The following C6orf118 variants were observed in gnomAD, a reference collection of about 807,000 sequenced individuals.
C6orf118 encodes uncharacterized protein C6orf118.
In C6orf118, 50 loss-of-function variants were observed where a neutral mutation model predicts 50.2. The observed-to-expected ratio is 1.00, with a 90% CI of 0.79 to 1.26. The LOEUF (loss-of-function observed/expected upper bound fraction) is 1.26, where lower values mean the gene tolerates loss of function less well. C6orf118 is among the 50% of genes most tolerant of loss of function. C6orf118 has a pLI of 0.00. For synonymous variants in C6orf118, 239 were observed against 230.9 expected, an observed-to-expected ratio of 1.03 and a Z score of -0.32; for missense variants, 641 against 578.7, an observed-to-expected ratio of 1.11 and a Z score of -1.10.
chr6:165,300,055 T>C (rs1334102276), intron 3 of C6orf118, among the ~76,000 whole-genome samples: 1 of 152,218 alleles, frequency 6.6e-6, no homozygotes, highest in African/African-American at 2.4e-5. Context: ...ACATGTAAAG[T>C]TAAATTATTA....
chr6:165,299,408 A>G, intron 4 of C6orf118, 35 bp downstream of exon 4: 1 of 1,597,584 alleles, frequency 6.3e-7, no homozygotes, highest in Non-Finnish European at 8.6e-7. Flanking sequence ...ATGGATAAGC[A>G]GGCTCTATTC....
chr6:165,302,359 T>G, intron 1 of C6orf118, 63 bp from the exon 2 acceptor site: 1 of 1,558,776 alleles, frequency 6.4e-7, no homozygotes, highest in Non-Finnish European at 8.6e-7. Context: ...AGTCAGCTGG[T>G]GCACTGGCTG....
At chr6:165,300,191 A>G (rs1780465206) in intron 3 of C6orf118, among the ~76,000 whole-genome samples, 173 bp downstream of exon 3, 1 of 152,162 alleles carries the variant, frequency 6.6e-6, no homozygotes, top group Non-Finnish European at 1.5e-5. Flanking sequence ...ATGGCCCCTT[A>G]CAATTTACGT....
At chr6:165,284,292 TA>T (rs918101066) in intron 7 of C6orf118, among the ~76,000 whole-genome samples, 4 of 151,380 alleles carry the variant, frequency 2.6e-5, no homozygotes, top group African/African-American at 9.7e-5. Context: ...ATGAAAGGAA[TA>T]AAAAAAGCCT....
At position 165,297,983 on chromosome 6, in the gene C6orf118, T is replaced by C. The variant is rs912253131; in HGVS notation, c.1055A>G (p.Asn352Ser). 6.2e-7 allele frequency: 1 copy of C among 1,613,952 alleles called. No individual in the cohort carries two copies. Among genetic ancestry groups the C allele is most frequent in the African/African-American group, 1.3e-5 (1 of 75,076 alleles). ...TCCGTCCCTCATGCCTCACCTATCA[T>C]TCTGCTCCAGGGCTGCTTTTGTGGC... ...VTATKAALEQNDRLRSELEME... is the reference protein window; with the variant it reads ...VTATKAALEQSDRLRSELEME... Residue 352 changes from asparagine (N) to serine (S), a missense_variant, in exon 5 of 9, where the codon AAT becomes AGT. By Grantham distance (46) the Asn-to-Ser change is conservative (BLOSUM62 1). Transcript: ENST00000230301.
intron 7 of C6orf118, among the ~76,000 whole-genome samples, chr6:165,283,291 G>A (rs556461082): frequency 2.0e-5 from 3 of 152,278 alleles, no homozygotes; most frequent in African/African-American, 7.2e-5. Context: ...GTGTTACCCT[G>A]CCCAGGAAAC....
chr6:165,297,892 A>G (rs900694869), intron 5 of C6orf118, 85 bp downstream of exon 5: 39 of 1,581,512 alleles, frequency 2.5e-5, no homozygotes, highest in Middle Eastern at 3.3e-4. Flanking sequence ...GCAGAAATCA[A>G]TGTAACCGTA....
At chr6:165,301,527 G>A (rs780777981) in intron 2 of C6orf118, 42 bp downstream of exon 2, 5 of 1,570,602 alleles carry the variant, frequency 3.2e-6, no homozygotes, top group Non-Finnish European at 4.3e-6. Context: ...GCTATGCCCT[G>A]AGAGCTCTTC....
intron 1 of C6orf118, among the ~76,000 whole-genome samples, chr6:165,309,167 AG>A (rs1174727575): frequency 6.6e-6 from 1 of 152,264 alleles, no homozygotes; most frequent in African/African-American, 2.4e-5. Flanking sequence ...GAGCGCGGAA[AG>A]GCAGCATGCC....
At chr6:165,280,659 G>A (rs566089277) in intron 8 of C6orf118, among the ~76,000 whole-genome samples, 6 of 152,180 alleles carry the variant, frequency 3.9e-5, no homozygotes, top group Non-Finnish European at 7.3e-5. Flanking sequence ...GGAGCACCTA[G>A]AAAGAACTGT....
intron 5 of C6orf118, among the ~76,000 whole-genome samples, chr6:165,296,891 T>A (rs1780329705): frequency 6.6e-6 from 1 of 152,172 alleles, no homozygotes; most frequent in Non-Finnish European, 1.5e-5. Flanking sequence ...CTGGCTATCT[T>A]GGTAGGAATA....
intron 2 of C6orf118, among the ~76,000 whole-genome samples, chr6:165,301,182 TAC>T (rs1407673539): frequency 3.9e-5 from 6 of 152,132 alleles, no homozygotes; most frequent in Admixed American, 1.3e-4. Flanking sequence ...CGGCACCTGG[TAC>T]AGTGCTGCAT....
intron 1 of C6orf118, among the ~76,000 whole-genome samples, chr6:165,308,084 A>T (rs1391385061): frequency 6.6e-6 from 1 of 152,214 alleles, no homozygotes. Context: ...ACCCAGGGCC[A>T]CAGGGGACCT....
chr6:165,297,955 A>G, intron 5 of C6orf118, 22 bp downstream of exon 5: 2 of 1,613,350 alleles, frequency 1.2e-6, no homozygotes, highest in Admixed American at 1.7e-5. Flanking sequence ...AACATAGATC[A>G]GATCCGTCCC....
chr6:165,280,885 A>T (rs896774194), intron 8 of C6orf118, among the ~76,000 whole-genome samples: 1 of 152,162 alleles, frequency 6.6e-6, no homozygotes, highest in Non-Finnish European at 1.5e-5. Context: ...CAAGCCACCT[A>T]CACCTAAAAA....
intron 1 of C6orf118, among the ~76,000 whole-genome samples, chr6:165,302,956 C>T (rs1221902251): frequency 6.6e-6 from 1 of 152,158 alleles, no homozygotes; most frequent in African/African-American, 2.4e-5. Context: ...TAAATTCTAC[C>T]CATTTTTGCT....
intron 3 of C6orf118, 143 bp downstream of exon 3, chr6:165,300,221 C>T (rs2128162657): frequency 1.1e-6 from 1 of 914,018 alleles, no homozygotes; most frequent in Non-Finnish European, 1.6e-6. Flanking sequence ...CAGATGACCT[C>T]GAGTCTCTGG....
intron 7 of C6orf118, among the ~76,000 whole-genome samples, chr6:165,289,160 C>T (rs1334666116): frequency 1.3e-5 from 2 of 149,768 alleles, no homozygotes; most frequent in Admixed American, 1.3e-4. Context: ...TGGCACACAG[C>T]CATGTCCCCC....
chr6:165,289,634 T>C (rs192175215), intron 7 of C6orf118, among the ~76,000 whole-genome samples: 279 of 152,288 alleles, frequency 1.8e-3, no homozygotes, highest in African/African-American at 6.4e-3. Flanking sequence ...TGTATGTTCA[T>C]GTTACTCAAA....
Sources: allele counts gnomAD v4.1 joint callset (sites outside exome capture counted in the v4.1 genomes callset), GRCh38; gene constraint gnomAD v4.1.1; transcripts MANE v1.5; gene names NCBI Gene and HGNC (gene_info 2026-07-23, HGNC 2026-07-21).